The following ABCC6 variants were observed in gnomAD, a reference collection of about 807,000 sequenced individuals.
The protein encoded by ABCC6 is ATP-binding cassette sub-family C member 6.
Under a neutral mutation model 169.5 loss-of-function variants are expected in ABCC6, and 126 were observed. The ratio of observed to expected loss-of-function variants is 0.74; its 90% CI spans 0.64 to 0.86. ABCC6 has a LOEUF of 0.86. ABCC6 is among the 40% of genes least tolerant of loss of function. The pLI is 0.00. For missense variants in ABCC6, 1,733 were observed against 1,927.2 expected, an observed-to-expected ratio of 0.90 and a Z score of 1.89; for synonymous variants, 752 against 814.7, an observed-to-expected ratio of 0.92 and a Z score of 1.31.
chr16:16,177,554 C>A lies in ABCC6; in HGVS notation c.2488G>T (p.Ala830Ser). Residue 830 changes from alanine (A) to serine (S), a missense_variant, in exon 19 of 31, where the codon GCC becomes TCC. By Grantham distance (99) the Ala-to-Ser change is moderately conservative. Transcript: ENST00000205557. The stretch of plus-strand genomic sequence containing the variant: ...TGGTAGGAACCCATCTCTGCGATGG[C>A]CCCATTTGCCAGCACTATGATCCAA... ...ADWIIVLANGAIAEMGSYQEL... is the reference protein window; with the variant it reads ...ADWIIVLANGSIAEMGSYQEL... 2 of 1,614,218 alleles carry A rather than the reference C, an allele frequency of 1.2e-6. No individual in the cohort carries two copies. The highest frequency in any genetic ancestry group is 1.7e-6 in the Non-Finnish European group (2 of 1,180,030).
intron 6 of ABCC6, 26 bp from the exon 7 acceptor site, chr16:16,208,885 G>C: frequency 6.2e-7 from 1 of 1,613,380 alleles, no homozygotes; most frequent in Non-Finnish European, 8.5e-7. Flanking sequence ...ACCAGGGAAA[G>C]CTTTTCCTGC....
chr16:16,189,926 C>G (rs767220354), intron 12 of ABCC6, among the ~76,000 whole-genome samples: 3 of 152,144 alleles, frequency 2.0e-5, no homozygotes, highest in Non-Finnish European at 2.9e-5. Context: ...TCGGTAGAAG[C>G]CTGGAACTCT....
rs762221578 is a variant in ABCC6 at position 16,188,849 on chromosome 16, G to A, written c.1761C>T (p.Ser587=). Residue 587 remains serine, a synonymous_variant, in exon 13 of 31, where the codon TCC becomes TCT. Transcript: ENST00000205557. ...ACCTCACCTGGACGAGGGAGTGGATGGAGAAGGGCAGGAAAGCCTGGGCCT... is the reference window on the plus strand; with the variant it reads ...ACCTCACCTGGACGAGGGAGTGGATAGAGAAGGGCAGGAAAGCCTGGGCCT... The part of the protein sequence containing the change: ...LNKAQAFLPF[S]IHSLVQARVS... 8 of 1,613,876 alleles carry A rather than the reference G, an allele frequency of 5.0e-6. No individual in the cohort carries two copies. Among genetic ancestry groups the A allele is most frequent in the Non-Finnish European group, 6.8e-6 (8 of 1,179,990 alleles).
intron 11 of ABCC6, among the ~76,000 whole-genome samples, chr16:16,192,484 T>A (rs1329653093): frequency 6.6e-6 from 1 of 152,040 alleles, no homozygotes; most frequent in Non-Finnish European, 1.5e-5. Context: ...TGCTGTGACC[T>A]GGGTTAGAGA....
intron 25 of ABCC6, 97 bp from the exon 26 acceptor site, chr16:16,159,680 C>G (rs539545345): frequency 9.1e-7 from 1 of 1,099,462 alleles, no homozygotes; most frequent in African/African-American, 1.5e-5. Flanking sequence ...GAGGCCAGAC[C>G]CAGGGGAGTA....
chr16:16,163,057 C>T lies in ABCC6; in HGVS notation c.3442G>A (p.Ala1148Thr), dbSNP rs2046772098. The T allele has an allele frequency of 6.2e-7, 1 of 1,613,998 alleles. No individual in the cohort carries two copies. Among genetic ancestry groups the T allele is most frequent in the South Asian group, 1.1e-5 (1 of 91,076 alleles). ...RAFRTQAPFV[A>T]QNNARVDESQ... ...TCATCTACGCGAGCATTGTTCTGAG[C>T]CACAAAGGGGGCCTGGGTTCGGAAT... The change falls in exon 24 of 31, where the codon GCT becomes ACT. Residue 1148 changes from alanine (A) to threonine (T), a missense_variant. By Grantham distance (58) the Ala-to-Thr change is moderately conservative (BLOSUM62 0). This residue lies in a region of ABCC6 where 1,601 missense variants were observed against 1,635.5 expected (regional missense o/e 0.98). Coordinates refer to ENST00000205557, the MANE Select transcript of ABCC6 (RefSeq NM_001171.6).
intron 23 of ABCC6, among the ~76,000 whole-genome samples, chr16:16,164,981 C>G (rs1277107955): frequency 1.3e-5 from 2 of 152,216 alleles, no homozygotes; most frequent in Admixed American, 6.5e-5. Context: ...GTTGCTGGTC[C>G]CAGCAATTGA....
intron 11 of ABCC6, among the ~76,000 whole-genome samples, chr16:16,191,451 T>C (rs1010496426): frequency 6.6e-6 from 1 of 151,976 alleles, no homozygotes; most frequent in African/African-American, 2.4e-5. Flanking sequence ...CAGCCTAGAA[T>C]GTTTTAGAGG....
chr16:16,190,926 TG>T (rs1179735456), intron 11 of ABCC6, among the ~76,000 whole-genome samples: 2 of 4,598 alleles, frequency 4.3e-4, no homozygotes, highest in African/African-American at 1.8e-3. Flanking sequence ...GGGTGGGGGC[TG>T]GGGGGTAGGG....
At chr16:16,177,958 AAGAG>A (rs2047336552) in intron 18 of ABCC6, among the ~76,000 whole-genome samples, 3 of 151,794 alleles carry the variant, frequency 2.0e-5, no homozygotes, top group Non-Finnish European at 2.9e-5. Flanking sequence ...GAAAGAAAGA[AAGAG>A]AAGAAAAGAA....
chr16:16,191,223 C>A (rs1263881064), intron 11 of ABCC6, among the ~76,000 whole-genome samples: 1 of 152,116 alleles, frequency 6.6e-6, no homozygotes, highest in Admixed American at 6.5e-5. Flanking sequence ...TCAAGCGATT[C>A]TCCTGCCTGA....
chr16:16,166,902 AAAAC>A (rs34925354), intron 22 of ABCC6, among the ~76,000 whole-genome samples: 9 of 150,762 alleles, frequency 6.0e-5, no homozygotes, highest in African/African-American at 1.7e-4. Flanking sequence ...CGTCTCAGAA[AAAAC>A]AAACAAACAA....
chr16:16,213,735 A>G (rs1342805629), intron 5 of ABCC6, among the ~76,000 whole-genome samples: 1 of 147,372 alleles, frequency 6.8e-6, no homozygotes, highest in East Asian at 2.0e-4. Flanking sequence ...TAATTTTTGT[A>G]ATTTTAGAAG....
At chr16:16,191,579 G>A (rs527264023) in intron 11 of ABCC6, among the ~76,000 whole-genome samples, 5 of 150,656 alleles carry the variant, frequency 3.3e-5, no homozygotes, top group East Asian at 3.9e-4. Flanking sequence ...TCTCTTTCCC[G>A]CCTTTTCTTT....
At position 16,171,227 on chromosome 16, in the gene ABCC6, T is replaced by C. The variant is rs986319979; in HGVS notation, c.2788-1374A>G. 4.6e-5 allele frequency among the ~76,000 whole-genome samples: 7 copies of C among 152,156 alleles called. No individual in the cohort carries two copies. The South Asian group carries it at 1.2e-3, about 27-fold the overall frequency. On this transcript the variant is annotated intron_variant, in intron 21 of 30. Coordinates refer to ENST00000205557, the MANE Select transcript of ABCC6 (RefSeq NM_001171.6). Reference sequence around the variant, plus strand: ...CTCAGTGGTCTCTATTTCATCATTCTTTCTTTTAAGAGGCAGGGTCTCACT... The same window carrying C: ...CTCAGTGGTCTCTATTTCATCATTCCTTCTTTTAAGAGGCAGGGTCTCACT...
chr16:16,211,466 C>G (rs1335611455), intron 6 of ABCC6, among the ~76,000 whole-genome samples: 1 of 152,174 alleles, frequency 6.6e-6, no homozygotes, highest in East Asian at 1.9e-4. Context: ...AAGTGCTTTA[C>G]AGATCTCATC....
Position 16,208,768 on chromosome 16 carries a change from G to A in ABCC6, c.754C>T (p.Leu252Phe), listed in dbSNP as rs72653757. 1.1e-5 allele frequency: 18 copies of A among 1,613,406 alleles called. No individual in the cohort carries two copies. The highest frequency in any genetic ancestry group is 2.2e-5 in the South Asian group (2 of 91,036). Residue 252 changes from leucine to phenylalanine, a missense_variant, in exon 7 of 31, where the codon CTT (leucine) becomes TTT (phenylalanine). Transcript: ENST00000205557. ...CGGTTCCTCATCCACTCCTTTTCAA[G>A]CCGGGAAACAAGTTCTTCTGAGGAG... ...ENSSEELVSR[L>F]EKEWMRNRSA...
Position 16,215,265 on chromosome 16 carries a change from TCAGAGAAGTGA to T in ABCC6, c.475-827_475-817del, listed in dbSNP as rs537813743. Among the ~76,000 whole-genome samples the T allele has an allele frequency of 2.9e-3, 435 of 152,264 alleles. 1 individual carries two copies. The highest frequency in any genetic ancestry group is 0.01 in the African/African-American group (417 of 41,556). On this transcript the variant is annotated intron_variant, in intron 4 of 30. Transcript: ENST00000205557. ...CTTTGACTCAGGGGGAAACCAAGGC[TCAGAGAAGTGA>T]CAGCACCTTGTTCAAGGACACGCAG...
rs1277411207 is a variant in ABCC6 at position 16,198,646 on chromosome 16, C to T, written c.1177-464G>A. 5.3e-5 allele frequency among the ~76,000 whole-genome samples: 8 copies of T among 151,022 alleles called. No homozygotes were observed. The South Asian group carries it at 8.4e-4, about 16-fold the overall frequency. On this transcript the variant is annotated intron_variant, in intron 9 of 30. Transcript: ENST00000205557. The stretch of plus-strand genomic sequence containing the variant: ...GGAGGATTGCTTGATCCCAGGAGTT[C>T]GAAACCAGCCCGCGCGACATAGTAA...
Sources: allele counts gnomAD v4.1 joint callset (sites outside exome capture counted in the v4.1 genomes callset), GRCh38; gene constraint gnomAD v4.1.1; regional missense constraint gnomAD v4.1.1; transcripts MANE v1.5; gene names NCBI Gene and HGNC (gene_info 2026-07-23, HGNC 2026-07-21).